CYTH3: variants seen among roughly 807,000 people sequenced by gnomAD.
The protein encoded by CYTH3 is cytohesin 3.
A neutral mutation model predicts 55.1 loss-of-function variants in CYTH3; 23 were observed. The ratio of observed to expected loss-of-function variants is 0.42; its 90% CI spans 0.30 to 0.59. CYTH3 has a LOEUF of 0.59. Ranked by LOEUF, CYTH3 falls within the 20% of genes least tolerant of loss-of-function variation. The probability of loss-of-function intolerance (pLI) is 0.20; values close to 1 mark genes in which losing one functional copy is unlikely to be tolerated. For missense variants in CYTH3, 413 were observed against 524.8 expected, an observed-to-expected ratio of 0.79 and a Z score of 2.08; for synonymous variants, 249 against 194.9, an observed-to-expected ratio of 1.28 and a Z score of -2.31.
At chr7:6,255,626 G>T (rs1780078755) in intron 1 of CYTH3, among the ~76,000 whole-genome samples, 1 of 152,130 alleles carries the variant, frequency 6.6e-6, no homozygotes, top group African/African-American at 2.4e-5. Context: ...GATAGGGAGG[G>T]AGGGATATGT....
At chr7:6,225,189 G>A (rs1190918680) in intron 1 of CYTH3, among the ~76,000 whole-genome samples, 2 of 152,010 alleles carry the variant, frequency 1.3e-5, no homozygotes, top group South Asian at 2.1e-4. Context: ...AATAAAGCCT[G>A]AAATTAAGAC....
intron 6 of CYTH3, chr7:6,172,733 G>A: frequency 8.2e-7 from 1 of 1,222,544 alleles, no homozygotes; most frequent in Non-Finnish European, 1.1e-6. Flanking sequence ...AGACTCACCA[G>A]GCCTGCACCC....
rs1562418345 is a variant in CYTH3, at chr7:6,259,831, T to TA, written c.34+12642dup. Among the ~76,000 whole-genome samples, 33 of 26,972 alleles carry TA rather than the reference T, an allele frequency of 1.2e-3. 1 individual carries two copies. Among genetic ancestry groups the TA allele is most frequent in the African/African-American group, 4.0e-3 (13 of 3,266 alleles). 17.7% of individuals were successfully genotyped at this position (26,972 alleles called of 152,430 possible). A position where few individuals can be genotyped will look rare whatever the true frequency, so the allele number is the denominator to read the frequency against. ...TATATATAATATATATATATATATA[T>TA]ATTTTTTTTTTTTTTTAAGACGGAT... On this transcript the variant is annotated intron_variant, in intron 1 of 12. Transcript: ENST00000350796.
Position 6,170,270 on chromosome 7 carries a change from T to A in CYTH3, c.823+265A>T. The A allele has an allele frequency of 2.1e-6, 1 of 480,014 alleles. No homozygotes were observed. The highest frequency in any genetic ancestry group is 3.5e-5 in the East Asian group (1 of 28,410). 29.7% of individuals were successfully genotyped at this position (480,014 alleles called of 1,614,324 possible). A position where few individuals can be genotyped will look rare whatever the true frequency, so the allele number is the denominator to read the frequency against. ...CGTGCAGGAAGCTGCCCTGGCTGGATCTGGATGCTAACTCAGCAGTTTTCT... is the reference window on the plus strand; with the variant it reads ...CGTGCAGGAAGCTGCCCTGGCTGGAACTGGATGCTAACTCAGCAGTTTTCT... On this transcript the variant is annotated intron_variant, in intron 9 of 12. Coordinates refer to ENST00000350796, the MANE Select transcript of CYTH3 (RefSeq NM_004227.4). This position sits in a 1 kb window ranked among gnomAD's most constrained non-coding sequence, Gnocchi z 7.8.
At chr7:6,220,193 G>C (rs1032418485) in intron 1 of CYTH3, among the ~76,000 whole-genome samples, 4 of 152,104 alleles carry the variant, frequency 2.6e-5, no homozygotes, top group African/African-American at 9.7e-5. Context: ...CACCGCGCCT[G>C]GCCTAGCCAA....
At position 6,187,651 on chromosome 7, in the gene CYTH3, T is replaced by C. The variant is rs763144292; in HGVS notation, c.182+6A>G. The C allele has an allele frequency of 6.2e-7, 1 of 1,611,108 alleles. No individual in the cohort carries two copies. The highest frequency in any genetic ancestry group is 2.2e-5 in the East Asian group (1 of 44,886). On this transcript the variant is annotated splice_donor_region_variant and intron_variant, in intron 3 of 12. Coordinates refer to ENST00000350796, the MANE Select transcript of CYTH3 (RefSeq NM_004227.4). ...ATAGCTTAAAGGTGTAGCCACAAAT[T>C]GTTACCTCTCCTCTACGGAAGTTAG...
chr7:6,259,062 T>C (rs542436647), intron 1 of CYTH3, among the ~76,000 whole-genome samples: 1 of 152,298 alleles, frequency 6.6e-6, no homozygotes, highest in Non-Finnish European at 1.5e-5. Context: ...TTCATACGTA[T>C]CTGTCCAGAG....
At chr7:6,194,115 A>C (rs893909851) in intron 1 of CYTH3, among the ~76,000 whole-genome samples, 2 of 152,170 alleles carry the variant, frequency 1.3e-5, no homozygotes, top group Admixed American at 6.5e-5. Flanking sequence ...CTTCCTTCCC[A>C]AACTGGAGGT....
rs915329434 is a variant in CYTH3 at position 6,170,468 on chromosome 7, G to A, written c.823+67C>T. On this transcript the variant is annotated intron_variant, in intron 9 of 12. Coordinates refer to ENST00000350796, the MANE Select transcript of CYTH3 (RefSeq NM_004227.4). The surrounding 1 kb of genome is among the most constrained non-coding windows in gnomAD (Gnocchi z 7.8). ...GGGCATTCCTACGATGAGCCTGGGA[G>A]GAACCCGAGGGGCTGCTGCCATGGG... is the stretch of plus-strand genomic sequence containing the variant. 1.7e-5 allele frequency: 25 copies of A among 1,450,088 alleles called. No homozygotes were observed. The South Asian group carries it at 2.8e-4, about 16-fold the overall frequency. The allele number at this position is 1,450,088 out of a possible 1,614,324, so 89.8% of individuals were successfully genotyped here.
chr7:6,261,682 C>T (rs140158824), intron 1 of CYTH3, among the ~76,000 whole-genome samples: 119 of 135,478 alleles, frequency 8.8e-4, no homozygotes, highest in Middle Eastern at 8.5e-3. Flanking sequence ...AGAGTGAGAC[C>T]CTGTCTCAAA....
At chr7:6,197,267 T>G (rs1304632212) in intron 1 of CYTH3, among the ~76,000 whole-genome samples, 1 of 152,154 alleles carries the variant, frequency 6.6e-6, no homozygotes, top group Non-Finnish European at 1.5e-5. Context: ...AAAAGAAAAT[T>G]TTGTACAGTG....
In CYTH3 at chr7:6,187,034, G is replaced by C. The variant is rs761536815; in HGVS notation, c.249+16C>G. ...TCCATCTCCTGCAGGCCAGAAAAGG[G>C]AGAGCATTCTCTTACCTTTTTGGGA... is the stretch of plus-strand genomic sequence containing the variant. On this transcript the variant is annotated intron_variant, in intron 4 of 12. Transcript: ENST00000350796. 1.9e-6 allele frequency: 3 copies of C among 1,611,914 alleles called. No individual in the cohort carries two copies. In the East Asian group the frequency reaches 6.7e-5, roughly 36 times the overall value.
rs1782925356 is a variant in CYTH3 at position 6,164,404 on chromosome 7, T to A, written c.*540A>T. ...TATAATTTCAGAATATAAAAAGGCA[T>A]ATAAAAGCTATAATCCTATATATCT... is the stretch of plus-strand genomic sequence containing the variant. On this transcript the variant is annotated 3_prime_UTR_variant, in exon 13 of 13. Coordinates refer to ENST00000350796, the MANE Select transcript of CYTH3 (RefSeq NM_004227.4). The A allele has an allele frequency of 6.5e-6, 1 of 153,238 alleles. No individual in the cohort carries two copies. Among genetic ancestry groups the A allele is most frequent in the Non-Finnish European group, 1.5e-5 (1 of 68,460 alleles). 9.5% of individuals were successfully genotyped at this position (153,238 alleles called of 1,614,324 possible). A position where few individuals can be genotyped will look rare whatever the true frequency, so the allele number is the denominator to read the frequency against.
chr7:6,202,457 G>GTT lies in CYTH3; in HGVS notation c.35-11928_35-11927dup, dbSNP rs34849107. ...ATGGTGAGACAACAGGCCATTGCTA[G>GTT]TTTTTTTTTTTTTTTTTTTTTTGAG... On this transcript the variant is annotated intron_variant, in intron 1 of 12. Transcript: ENST00000350796. 6.8e-4 allele frequency among the ~76,000 whole-genome samples: 86 copies of GTT among 126,498 alleles called. 1 individual carries two copies. Among genetic ancestry groups the GTT allele is most frequent in the South Asian group, 4.2e-3 (16 of 3,830 alleles). 83.0% of individuals were successfully genotyped at this position (126,498 alleles called of 152,430 possible).
chr7:6,222,257 T>G (rs558641790), intron 1 of CYTH3, among the ~76,000 whole-genome samples: 1 of 152,282 alleles, frequency 6.6e-6, no homozygotes, highest in East Asian at 1.9e-4. Flanking sequence ...GAAGGAAGAT[T>G]AGGGCTTAGT....
At chr7:6,219,003 C>CAAAAA (rs35386425) in intron 1 of CYTH3, among the ~76,000 whole-genome samples, 2 of 74,310 alleles carry the variant, frequency 2.7e-5, no homozygotes, top group Non-Finnish European at 5.2e-5. Context: ...GACTCCGTCT[C>CAAAAA]AAAAAAAAAA....
intron 1 of CYTH3, among the ~76,000 whole-genome samples, chr7:6,256,505 C>G (rs578197042): frequency 2.0e-5 from 3 of 152,312 alleles, no homozygotes; most frequent in South Asian, 4.1e-4. Flanking sequence ...CCTTTAGATG[C>G]AAGACAGTCC....
At chr7:6,255,959 T>G (rs1435709237) in intron 1 of CYTH3, among the ~76,000 whole-genome samples, 2 of 151,940 alleles carry the variant, frequency 1.3e-5, no homozygotes, top group Non-Finnish European at 2.9e-5. Context: ...GAGACAGGGT[T>G]TCACTGTGTT....
intron 1 of CYTH3, among the ~76,000 whole-genome samples, chr7:6,268,292 C>A (rs569305126): frequency 6.6e-6 from 1 of 152,168 alleles, no homozygotes; most frequent in East Asian, 1.9e-4. Context: ...CTCAGCCTCC[C>A]GCGTAGCTGA....
Sources: gnomAD v4.1 joint callset for allele counts (sites outside exome capture counted in the v4.1 genomes callset) on GRCh38, gnomAD v4.1.1 for gene constraint, Gnocchi (gnomAD v3.1) non-coding constraint, MANE v1.5 for transcripts, NCBI Gene and HGNC (gene_info 2026-07-23, HGNC 2026-07-21) for gene names.